Variants in INSYN2B observed in about 807,000 individuals in gnomAD.
The protein encoded by INSYN2B is inhibitory synaptic factor family member 2B.
A neutral mutation model predicts 41.2 loss-of-function variants in INSYN2B; 16 were observed. The ratio of observed to expected loss-of-function variants is 0.39; its 90% CI spans 0.26 to 0.59. INSYN2B has a LOEUF of 0.59. Ranked by LOEUF, INSYN2B falls within the 20% of genes least tolerant of loss-of-function variation. INSYN2B has a pLI of 0.57. For missense variants in INSYN2B, 608 were observed against 646.4 expected (o/e 0.94, Z 0.64); for synonymous variants, 245 against 244.4 (o/e 1.00, Z -0.02).
intron 1 of INSYN2B, among the ~76,000 whole-genome samples, chr5:169,961,978 C>CAAAAAATAAAAAAAAA (rs1777105088): frequency 1.3e-5 from 1 of 74,654 alleles, no homozygotes; most frequent in Non-Finnish European, 2.4e-5. Flanking sequence ...GACTCTGTCC[C>CAAAAAATAAAAAAAAA]AAAAAAAAAA....
intron 1 of INSYN2B, among the ~76,000 whole-genome samples, chr5:169,913,703 A>G (rs1437355980): frequency 1.4e-5 from 2 of 144,028 alleles, no homozygotes; most frequent in African/African-American, 2.7e-5. Context: ...GTGCAGTCTT[A>G]CCACGCCCTC....
At chr5:169,937,387 TGG>T in intron 1 of INSYN2B, among the ~76,000 whole-genome samples, 1 of 152,344 alleles carries the variant, frequency 6.6e-6, no homozygotes, top group East Asian at 1.9e-4. Flanking sequence ...CCCACATCCC[TGG>T]CCTATGATTT....
intron 1 of INSYN2B, among the ~76,000 whole-genome samples, chr5:169,935,660 C>T (rs1775957671): frequency 6.6e-6 from 1 of 152,230 alleles, no homozygotes; most frequent in African/African-American, 2.4e-5. Context: ...TGAACGTTGC[C>T]GATGCGGTGA....
intron 1 of INSYN2B, among the ~76,000 whole-genome samples, chr5:169,969,696 G>A (rs1777430473): frequency 6.6e-6 from 1 of 152,086 alleles, no homozygotes; most frequent in South Asian, 2.1e-4. Context: ...AACAGTGAGA[G>A]AACTAGGTGG....
At chr5:169,901,853 C>T (rs896615120) in intron 1 of INSYN2B, among the ~76,000 whole-genome samples, 3 of 152,186 alleles carry the variant, frequency 2.0e-5, no homozygotes, top group African/African-American at 7.2e-5. Context: ...TGTTTGCTTG[C>T]ATCTGTTGGA....
At chr5:169,886,891 TGCATTGATTATGTGCCAG>T (rs1773003069) in intron 1 of INSYN2B, among the ~76,000 whole-genome samples, 1 of 152,254 alleles carries the variant, frequency 6.6e-6, no homozygotes, top group Admixed American at 6.5e-5. Flanking sequence ...TAATGTCTAG[TGCATTGATTATGTGCCAG>T]GCATTGTGAT....
chr5:169,942,534 A>G (rs755531374), intron 1 of INSYN2B, among the ~76,000 whole-genome samples: 2 of 152,368 alleles, frequency 1.3e-5, no homozygotes, highest in East Asian at 1.9e-4. Flanking sequence ...ATCTATTTCC[A>G]TATTTTACAG....
At chr5:169,896,168 C>T (rs1470025465) in intron 1 of INSYN2B, among the ~76,000 whole-genome samples, 1 of 151,964 alleles carries the variant, frequency 6.6e-6, no homozygotes, top group African/African-American at 2.4e-5. Flanking sequence ...GAAACCGTTG[C>T]TCCTGGGGTC....
At chr5:169,868,613 C>T (rs1431866672) in intron 3 of INSYN2B, among the ~76,000 whole-genome samples, 1 of 152,062 alleles carries the variant, frequency 6.6e-6, no homozygotes, top group Non-Finnish European at 1.5e-5. Context: ...AAAAAATTAG[C>T]CATGTGTGGT....
At chr5:169,932,226 G>A (rs777033450) in intron 1 of INSYN2B, among the ~76,000 whole-genome samples, 1 of 152,150 alleles carries the variant, frequency 6.6e-6, no homozygotes, top group Non-Finnish European at 1.5e-5. Context: ...GAGTAAGGAG[G>A]GTGGGTCCCT....
intron 1 of INSYN2B, among the ~76,000 whole-genome samples, chr5:169,961,338 C>T (rs542960710): frequency 9.2e-5 from 14 of 152,360 alleles, no homozygotes; most frequent in Admixed American, 2.0e-4. Flanking sequence ...ACTTGAACTA[C>T]ACTGAACAGA....
At chr5:169,921,179 G>A (rs535738185) in intron 1 of INSYN2B, among the ~76,000 whole-genome samples, 15 of 152,294 alleles carry the variant, frequency 9.8e-5, no homozygotes, top group African/African-American at 3.4e-4. Flanking sequence ...GATGGATAGG[G>A]AAAGTACTCA....
chr5:169,913,515 G>A (rs1372504549), intron 1 of INSYN2B, among the ~76,000 whole-genome samples: 1 of 151,964 alleles, frequency 6.6e-6, no homozygotes, highest in Non-Finnish European at 1.5e-5. Context: ...GTTGGGAGAT[G>A]GTGTTTAAAT....
chr5:169,920,059 CT>C (rs1775087896), intron 1 of INSYN2B, among the ~76,000 whole-genome samples: 1 of 152,128 alleles, frequency 6.6e-6, no homozygotes, highest in African/African-American at 2.4e-5. Context: ...CACAACACAA[CT>C]TTGTGAGATA....
At chr5:169,943,496 A>C (rs1776323531) in intron 1 of INSYN2B, among the ~76,000 whole-genome samples, 1 of 152,208 alleles carries the variant, frequency 6.6e-6, no homozygotes, top group Admixed American at 6.5e-5. Flanking sequence ...GCCTCTCTTG[A>C]GAAAACAGAA....
At chr5:169,907,203 T>G (rs781019432) in intron 1 of INSYN2B, among the ~76,000 whole-genome samples, 2 of 152,234 alleles carry the variant, frequency 1.3e-5, no homozygotes, top group African/African-American at 2.4e-5. Flanking sequence ...TTTCTGCTTA[T>G]TGGCAGGCAA....
intron 3 of INSYN2B, among the ~76,000 whole-genome samples, chr5:169,879,631 T>C (rs1410163401): frequency 2.0e-5 from 3 of 152,208 alleles, no homozygotes; most frequent in Non-Finnish European, 4.4e-5. Flanking sequence ...TGGAGATGTT[T>C]GAATTAAGTG....
chr5:169,908,958 C>G (rs261003), intron 1 of INSYN2B, among the ~76,000 whole-genome samples: 49,918 of 151,968 alleles, frequency 0.33, 9,558 homozygotes, highest in East Asian at 0.53. Context: ...GGAATTATGT[C>G]CAAGGTCACA....
intron 1 of INSYN2B, among the ~76,000 whole-genome samples, chr5:169,969,993 T>C (rs1040582511): frequency 6.6e-6 from 1 of 152,272 alleles, no homozygotes; most frequent in Non-Finnish European, 1.5e-5. Flanking sequence ...AAACCAAGCA[T>C]TTCTGTGGGC....
Sources: allele counts gnomAD v4.1 joint callset (sites outside exome capture counted in the v4.1 genomes callset), GRCh38; gene constraint gnomAD v4.1.1; transcripts MANE v1.5; gene names NCBI Gene and HGNC (gene_info 2026-07-23, HGNC 2026-07-21).